PDE4D: variants seen among roughly 807,000 people sequenced by gnomAD.
PDE4D encodes the protein 3',5'-cyclic-AMP phosphodiesterase 4D.
A neutral mutation model predicts 87.4 loss-of-function variants in PDE4D; 24 were observed. The ratio of observed to expected loss-of-function variants is 0.27; its 90% CI spans 0.20 to 0.39. The LOEUF is 0.39. PDE4D is among the 10% of genes least tolerant of loss of function. PDE4D has a pLI of 1.00. For synonymous variants in PDE4D, 384 were observed against 383.2 expected (o/e 1.00, Z -0.02); for missense variants, 714 against 1,041.0 (o/e 0.69, Z 4.32).
At chr5:60,318,729 C>G (rs1755894068) in intron 1 of PDE4D, among the ~76,000 whole-genome samples, 1 of 151,944 alleles carries the variant, frequency 6.6e-6, no homozygotes. Flanking sequence ...GATTTTATTT[C>G]TCCTTCACTT....
At chr5:59,413,626 T>C (rs1396933190) in intron 1 of PDE4D, among the ~76,000 whole-genome samples, 1 of 152,146 alleles carries the variant, frequency 6.6e-6, no homozygotes, top group Admixed American at 6.6e-5. Context: ...TGACAGATGG[T>C]TAGCACATAT....
At chr5:60,371,452 G>C (rs1205318681) in intron 1 of PDE4D, among the ~76,000 whole-genome samples, 1 of 152,036 alleles carries the variant, frequency 6.6e-6, no homozygotes, top group Admixed American at 6.5e-5. Context: ...TTTTTTCCTA[G>C]CTGCACTTGT....
chr5:60,417,246 A>G (rs1490274753), intron 1 of PDE4D, among the ~76,000 whole-genome samples: 1 of 152,230 alleles, frequency 6.6e-6, no homozygotes, highest in Non-Finnish European at 1.5e-5. Flanking sequence ...CTGTGAGATG[A>G]GTACAATTGT....
chr5:59,023,563 GGAGGATGGC>G (rs752311051), intron 6 of PDE4D, among the ~76,000 whole-genome samples: 1 of 152,170 alleles, frequency 6.6e-6, no homozygotes, highest in African/African-American at 2.4e-5. Flanking sequence ...GGCTGAGGTG[GGAGGATGGC>G]TTGAGCCAGG....
intron 1 of PDE4D, among the ~76,000 whole-genome samples, chr5:59,602,448 A>T (rs1827642633): frequency 6.6e-6 from 1 of 152,118 alleles, no homozygotes; most frequent in Non-Finnish European, 1.5e-5. Context: ...AGTAGTGTTG[A>T]TATACACTAG....
chr5:59,872,835 ACTC>A (rs937371027), intron 1 of PDE4D, among the ~76,000 whole-genome samples: 16 of 152,186 alleles, frequency 1.1e-4, no homozygotes, highest in African/African-American at 3.6e-4. Flanking sequence ...AGGAAAAAAA[ACTC>A]CTACTGACTG....
intron 1 of PDE4D, among the ~76,000 whole-genome samples, chr5:60,255,886 T>G (rs953760561): frequency 4.6e-5 from 7 of 151,910 alleles, no homozygotes; most frequent in Admixed American, 3.3e-4. Context: ...CACTGGCAAA[T>G]GATTCCTCAA....
intron 1 of PDE4D, among the ~76,000 whole-genome samples, chr5:59,305,768 T>C (rs191001488): frequency 6.6e-6 from 1 of 152,348 alleles, no homozygotes; most frequent in East Asian, 1.9e-4. Context: ...GACAGAGTGC[T>C]TGATATAATT....
At chr5:60,337,390 C>T (rs866426770) in intron 1 of PDE4D, among the ~76,000 whole-genome samples, 159 of 84,240 alleles carry the variant, frequency 1.9e-3, no homozygotes, top group Admixed American at 5.3e-3. Flanking sequence ...TATATATATA[C>T]ACACACACAC....
chr5:60,394,610 A>G (rs1205476133), intron 1 of PDE4D, among the ~76,000 whole-genome samples: 1 of 152,200 alleles, frequency 6.6e-6, no homozygotes, highest in Non-Finnish European at 1.5e-5. Flanking sequence ...AACAAAAGCT[A>G]AGTTTCATCA....
chr5:59,087,555 TGAA>T (rs1412590607), intron 5 of PDE4D, among the ~76,000 whole-genome samples: 1 of 152,148 alleles, frequency 6.6e-6, no homozygotes, highest in African/African-American at 2.4e-5. Context: ...GTGTCAAAAT[TGAA>T]GAATATAATA....
chr5:59,836,672 T>TCATCTATCTAC (rs1561741764), intron 1 of PDE4D, among the ~76,000 whole-genome samples: 17 of 149,052 alleles, frequency 1.1e-4, no homozygotes, highest in African/African-American at 3.9e-4. Flanking sequence ...TATCTACCTA[T>TCATCTATCTAC]CTATCTATCT....
At chr5:59,071,211 C>T (rs9292190) in intron 5 of PDE4D, among the ~76,000 whole-genome samples, 6,859 of 152,190 alleles carry the variant, frequency 0.045, 527 homozygotes, top group African/African-American at 0.16. Flanking sequence ...TCCTTCTATA[C>T]GATACGATAA....
At chr5:59,509,756 G>A (rs545777928) in intron 1 of PDE4D, among the ~76,000 whole-genome samples, 3 of 149,708 alleles carry the variant, frequency 2.0e-5, no homozygotes, top group South Asian at 2.1e-4. Flanking sequence ...CAGAAAAGAC[G>A]TGAAAAGAAA....
At chr5:60,477,633 T>C (rs561599038) in intron 1 of PDE4D, among the ~76,000 whole-genome samples, 121 of 152,288 alleles carry the variant, frequency 7.9e-4, no homozygotes, top group African/African-American at 2.9e-3. Flanking sequence ...TTTACAATCC[T>C]CCACTCGGAC....
intron 5 of PDE4D, among the ~76,000 whole-genome samples, chr5:59,085,627 A>G (rs1767533910): frequency 6.6e-6 from 1 of 152,208 alleles, no homozygotes; most frequent in Non-Finnish European, 1.5e-5. Flanking sequence ...CAATGGGCAT[A>G]AACTGAGTGT....
intron 5 of PDE4D, among the ~76,000 whole-genome samples, chr5:59,102,150 G>T (rs970759585): frequency 5.3e-5 from 7 of 131,132 alleles, no homozygotes; most frequent in Non-Finnish European, 9.3e-5. Flanking sequence ...GCAATGGTAT[G>T]ATCTCGGCTT....
chr5:59,092,016 C>G (rs1398650798), intron 5 of PDE4D, among the ~76,000 whole-genome samples: 1 of 152,210 alleles, frequency 6.6e-6, no homozygotes, highest in East Asian at 1.9e-4. Flanking sequence ...GAAGATTTTT[C>G]TCCCCAAAAC....
At chr5:60,290,287 T>C (rs1286018666) in intron 1 of PDE4D, among the ~76,000 whole-genome samples, 1 of 152,042 alleles carries the variant, frequency 6.6e-6, no homozygotes, top group Non-Finnish European at 1.5e-5. Context: ...GAGAAGTAAA[T>C]GATTATAAAT....
Sources: gnomAD v4.1 joint callset for allele counts (sites outside exome capture counted in the v4.1 genomes callset) on GRCh38, gnomAD v4.1.1 for gene constraint, MANE v1.5 for transcripts, NCBI Gene and HGNC (gene_info 2026-07-23, HGNC 2026-07-21) for gene names.